Variants in MACROD2 observed in about 807,000 individuals in gnomAD.
The protein encoded by MACROD2 is mono-ADP ribosylhydrolase 2, also known as ADP-ribose glycohydrolase MACROD2.
MACROD2 carries 36 observed loss-of-function variants against 70.4 expected under a neutral mutation model. That is an observed-to-expected ratio of 0.51 (90% confidence interval 0.39 to 0.68). The LOEUF (loss-of-function observed/expected upper bound fraction) is 0.68. Ranked by LOEUF, MACROD2 falls within the 30% of genes least tolerant of loss-of-function variation. The pLI is 0.00. For missense variants in MACROD2, 496 were observed against 538.4 expected (o/e 0.92, Z 0.78); for synonymous variants, 172 against 178.8 (o/e 0.96, Z 0.30).
At chr20:15,871,069 G>A (rs550227769) in intron 9 of MACROD2, among the ~76,000 whole-genome samples, 72 of 151,516 alleles carry the variant, frequency 4.8e-4, no homozygotes, top group Middle Eastern at 3.4e-3. Flanking sequence ...CCAGCTACTC[G>A]GGATGTTGAG....
chr20:15,536,949 A>G (rs993455348), intron 8 of MACROD2, among the ~76,000 whole-genome samples: 5 of 152,178 alleles, frequency 3.3e-5, no homozygotes, highest in Admixed American at 6.5e-5. Context: ...ACCTCAGTGC[A>G]TGCTGTTCAC....
At chr20:14,236,186 T>A (rs912869193) in intron 3 of MACROD2, among the ~76,000 whole-genome samples, 6 of 152,202 alleles carry the variant, frequency 3.9e-5, no homozygotes, top group African/African-American at 1.2e-4. Context: ...TGCTTGTGCT[T>A]ACGTCCTATA....
chr20:15,632,339 A>G (rs954330448), intron 8 of MACROD2, among the ~76,000 whole-genome samples: 4 of 152,194 alleles, frequency 2.6e-5, no homozygotes, highest in Non-Finnish European at 5.9e-5. Flanking sequence ...ATAAAGCCAT[A>G]TGCTATGCTT....
At chr20:15,583,077 C>T (rs1351719254) in intron 8 of MACROD2, among the ~76,000 whole-genome samples, 5 of 152,058 alleles carry the variant, frequency 3.3e-5, no homozygotes, top group African/African-American at 9.7e-5. Context: ...TGTGGTCTAC[C>T]GGTTTGTGTC....
At chr20:14,753,516 A>C (rs113743213) in intron 5 of MACROD2, among the ~76,000 whole-genome samples, 184 of 152,282 alleles carry the variant, frequency 1.2e-3, no homozygotes, top group African/African-American at 3.9e-3. Flanking sequence ...ATATCTAAAA[A>C]GGTTATCATT....
At chr20:14,867,145 T>A (rs2073436851) in intron 5 of MACROD2, among the ~76,000 whole-genome samples, 1 of 152,114 alleles carries the variant, frequency 6.6e-6, no homozygotes, top group South Asian at 2.1e-4. Context: ...TACTTCTAAG[T>A]AAATACTGAG....
chr20:14,177,073 C>G lies in MACROD2; in HGVS notation c.271+91345C>G, dbSNP rs940929201. Reference sequence around the variant, plus strand: ...CCCCTCTTTGTATACAAACACTCAACATTATTAAGATGTTAGTTCTCCTTA... The same window carrying G: ...CCCCTCTTTGTATACAAACACTCAAGATTATTAAGATGTTAGTTCTCCTTA... On this transcript the variant is annotated intron_variant, in intron 3 of 17. Coordinates refer to ENST00000684519, the MANE Select transcript of MACROD2 (RefSeq NM_001351661.2). Among the ~76,000 whole-genome samples the G allele has an allele frequency of 2.6e-5, 4 of 152,166 alleles. 1 individual carries two copies. Among genetic ancestry groups the G allele is most frequent in the Admixed American group, 2.0e-4 (3 of 15,284 alleles).
chr20:15,123,546 A>T (rs2076045544), intron 5 of MACROD2, among the ~76,000 whole-genome samples: 1 of 152,138 alleles, frequency 6.6e-6, no homozygotes, highest in African/African-American at 2.4e-5. Flanking sequence ...TATTGATTGC[A>T]TGTTTAAAGG....
chr20:16,019,901 T>C (rs551320887), intron 15 of MACROD2, among the ~76,000 whole-genome samples: 3 of 152,300 alleles, frequency 2.0e-5, no homozygotes, highest in South Asian at 4.1e-4. Context: ...GTAGCACATG[T>C]TGCTTCTGTC....
intron 3 of MACROD2, among the ~76,000 whole-genome samples, chr20:14,137,745 C>G (rs1393711540): frequency 6.6e-6 from 1 of 151,976 alleles, no homozygotes; most frequent in African/African-American, 2.4e-5. Flanking sequence ...GGATATTACA[C>G]CAAAAGCACA....
chr20:14,044,992 C>T (rs576423358), intron 2 of MACROD2, among the ~76,000 whole-genome samples: 15 of 152,352 alleles, frequency 9.8e-5, no homozygotes, highest in African/African-American at 2.6e-4. Flanking sequence ...AGCTAAGGCC[C>T]GGCGAGAAAT....
intron 5 of MACROD2, among the ~76,000 whole-genome samples, chr20:14,962,650 TTCC>T (rs1336931929): frequency 1.3e-5 from 2 of 151,628 alleles, no homozygotes; most frequent in Admixed American, 6.6e-5. Flanking sequence ...TCCTCTTTTC[TTCC>T]TCCTCCTCTT....
At chr20:15,249,547 C>T (rs187143719) in intron 6 of MACROD2, among the ~76,000 whole-genome samples, 13 of 152,154 alleles carry the variant, frequency 8.5e-5, no homozygotes, top group African/African-American at 3.1e-4. Flanking sequence ...CTTCCCAATA[C>T]TCCAAGGCAC....
At chr20:14,871,528 A>T (rs948066768) in intron 5 of MACROD2, among the ~76,000 whole-genome samples, 1 of 152,132 alleles carries the variant, frequency 6.6e-6, no homozygotes, top group African/African-American at 2.4e-5. Flanking sequence ...GAAGCACTAA[A>T]TATGGAAAGG....
chr20:14,189,559 AC>A (rs1489076270), intron 3 of MACROD2, among the ~76,000 whole-genome samples: 4 of 152,222 alleles, frequency 2.6e-5, no homozygotes, highest in Non-Finnish European at 5.9e-5. Flanking sequence ...AATTTTATGT[AC>A]ATGTACAAAA....
chr20:14,272,564 G>A (rs532523260), intron 3 of MACROD2, among the ~76,000 whole-genome samples: 1 of 152,092 alleles, frequency 6.6e-6, no homozygotes, highest in South Asian at 2.1e-4. Flanking sequence ...AGACCATCGA[G>A]ACTAGGAAGA....
At chr20:14,370,823 T>G (rs1218677050) in intron 3 of MACROD2, among the ~76,000 whole-genome samples, 1 of 152,176 alleles carries the variant, frequency 6.6e-6, no homozygotes, top group Admixed American at 6.6e-5. Flanking sequence ...CTGTGCTTTA[T>G]TAAGTAACAA....
intron 8 of MACROD2, among the ~76,000 whole-genome samples, chr20:15,706,287 C>T (rs1600785952): frequency 6.6e-6 from 1 of 152,290 alleles, no homozygotes; most frequent in East Asian, 1.9e-4. Context: ...TTTGGCAAGT[C>T]TCTTAACTTC....
intron 3 of MACROD2, among the ~76,000 whole-genome samples, chr20:14,402,820 ATGT>A (rs1206890438): frequency 6.6e-6 from 1 of 152,168 alleles, no homozygotes; most frequent in African/African-American, 2.4e-5. Flanking sequence ...CAGTTTGCTC[ATGT>A]TGTTAGAATA....
Sources: allele counts gnomAD v4.1 joint callset (sites outside exome capture counted in the v4.1 genomes callset), GRCh38; gene constraint gnomAD v4.1.1; transcripts MANE v1.5; gene names NCBI Gene and HGNC (gene_info 2026-07-23, HGNC 2026-07-21).